The following ALK variants were observed in gnomAD, a reference collection of about 807,000 sequenced individuals.
ALK encodes ALK receptor tyrosine kinase.
ALK carries 74 observed loss-of-function variants against 163.1 expected under a neutral mutation model. The ratio of observed to expected loss-of-function variants is 0.45; its 90% CI spans 0.38 to 0.55. ALK has a LOEUF of 0.55. Ranked by LOEUF, ALK falls within the 20% of genes least tolerant of loss-of-function variation. The pLI is 0.00. For missense variants in ALK, 2,063 were observed against 2,105.3 expected (o/e 0.98, Z 0.39); for synonymous variants, 960 against 843.2 (o/e 1.14, Z -2.40).
chr2:29,497,896 T>G (rs1672071608), intron 4 of ALK, among the ~76,000 whole-genome samples: 1 of 152,226 alleles, frequency 6.6e-6, no homozygotes, highest in Admixed American at 6.5e-5. Flanking sequence ...ATTTAAATTC[T>G]TTTCTTTCTT....
intron 5 of ALK, among the ~76,000 whole-genome samples, chr2:29,365,453 G>A (rs182810297): frequency 6.6e-6 from 1 of 152,304 alleles, no homozygotes; most frequent in African/African-American, 2.4e-5. Flanking sequence ...AGGCTGGGCA[G>A]GCAGGTTGGG....
At chr2:29,280,847 G>A (rs1417354576) in intron 9 of ALK, among the ~76,000 whole-genome samples, 1 of 151,638 alleles carries the variant, frequency 6.6e-6, no homozygotes, top group Non-Finnish European at 1.5e-5. Flanking sequence ...TGGGACTGAG[G>A]GAAGGTTCTG....
intron 1 of ALK, among the ~76,000 whole-genome samples, chr2:29,864,202 C>A (rs1271331904): frequency 2.0e-5 from 3 of 152,148 alleles, no homozygotes; most frequent in African/African-American, 7.2e-5. Context: ...TCCCTGGCTA[C>A]GTACACATAC....
rs1346048598 is a variant in ALK at position 29,497,797 on chromosome 2, T to C, written c.1154+34118A>G. Among the ~76,000 whole-genome samples the C allele has an allele frequency of 3.9e-5, 6 of 152,326 alleles. No individual in the cohort carries two copies. In the South Asian group the frequency reaches 6.2e-4, roughly 16 times the overall value. On this transcript the variant is annotated intron_variant, in intron 4 of 28. Coordinates refer to ENST00000389048, the MANE Select transcript of ALK (RefSeq NM_004304.5). ...AAAAATAAGGCATGATCATTTGTTA[T>C]AACTAGTCCCTGGTCACCTTCTTCA... is the stretch of plus-strand genomic sequence containing the variant.
chr2:29,748,790 G>C (rs1680276031), intron 1 of ALK, among the ~76,000 whole-genome samples: 1 of 151,922 alleles, frequency 6.6e-6, no homozygotes, highest in Admixed American at 6.6e-5. Flanking sequence ...CTGTCACCCA[G>C]GCTGGAATGC....
At chr2:29,677,646 G>T (rs1677925852) in intron 3 of ALK, among the ~76,000 whole-genome samples, 1 of 151,982 alleles carries the variant, frequency 6.6e-6, no homozygotes, top group Non-Finnish European at 1.5e-5. Context: ...TGGTTATAGT[G>T]TATCATCCTT....
At chr2:29,596,325 C>T (rs1169384467) in intron 3 of ALK, among the ~76,000 whole-genome samples, 2 of 152,150 alleles carry the variant, frequency 1.3e-5, no homozygotes, top group Non-Finnish European at 2.9e-5. Flanking sequence ...CAGCTTAAGT[C>T]CCAATATCTT....
intron 5 of ALK, among the ~76,000 whole-genome samples, chr2:29,360,009 G>A (rs916251569): frequency 1.2e-4 from 19 of 152,206 alleles, no homozygotes; most frequent in African/African-American, 4.6e-4. Flanking sequence ...CTCAGTAGAA[G>A]TGGGCAGGCC....
intron 3 of ALK, among the ~76,000 whole-genome samples, chr2:29,644,951 G>A (rs1282503398): frequency 1.3e-5 from 2 of 152,112 alleles, no homozygotes; most frequent in Admixed American, 6.6e-5. Flanking sequence ...CTGGGTGCAA[G>A]GACTCCAGGC....
chr2:29,236,530 T>C (rs1558631960), intron 13 of ALK, among the ~76,000 whole-genome samples: 1 of 152,190 alleles, frequency 6.6e-6, no homozygotes, highest in Non-Finnish European at 1.5e-5. Flanking sequence ...AAAGATCTTT[T>C]CTGACCCATG....
chr2:29,203,102 G>C (rs556540606), intron 26 of ALK, among the ~76,000 whole-genome samples: 1 of 152,286 alleles, frequency 6.6e-6, no homozygotes. Flanking sequence ...GTTGTATTAG[G>C]CCTGAGGTGG....
intron 18 of ALK, among the ~76,000 whole-genome samples, chr2:29,225,947 T>C (rs540569262): frequency 6.6e-6 from 1 of 152,120 alleles, no homozygotes; most frequent in Non-Finnish European, 1.5e-5. Context: ...TGAGGCTAAG[T>C]TACTTCCTTG....
At chr2:29,251,042 C>T (rs555403188) in intron 12 of ALK, 63 bp downstream of exon 12, 1 of 1,562,980 alleles carries the variant, frequency 6.4e-7, no homozygotes, top group African/African-American at 1.4e-5. Flanking sequence ...CACCCATAGG[C>T]AAGACTCCAG....
chr2:29,341,800 G>C (rs552358593), intron 5 of ALK, among the ~76,000 whole-genome samples: 2 of 152,222 alleles, frequency 1.3e-5, no homozygotes, highest in Admixed American at 6.5e-5. Context: ...TTCAGGCAAA[G>C]AAACCTGGAA....
At position 29,220,838 on chromosome 2, in the gene ALK, G is replaced by A. The variant is rs769293928; in HGVS notation, c.3516-3C>T. 1.1e-5 allele frequency: 18 copies of A among 1,613,958 alleles called. No individual in the cohort carries two copies. The African/African-American group carries it at 2.3e-4, about 20-fold the overall frequency. On this transcript the variant is annotated splice_region_variant and splice_polypyrimidine_tract_variant and intron_variant, in intron 22 of 28. Coordinates refer to ENST00000389048, the MANE Select transcript of ALK (RefSeq NM_004304.5). ...CAATGTTCTGGTGGTTGAATTTGCTGCAGAGCAGAGAGGGATGTAACCAAA... is the reference window on the plus strand; with the variant it reads ...CAATGTTCTGGTGGTTGAATTTGCTACAGAGCAGAGAGGGATGTAACCAAA...
intron 1 of ALK, among the ~76,000 whole-genome samples, chr2:29,841,842 T>C (rs1207063831): frequency 6.6e-6 from 1 of 152,216 alleles, no homozygotes. Flanking sequence ...CCCTTCTTCA[T>C]GGAAAACTTA....
chr2:29,449,356 G>C (rs1158001582), intron 4 of ALK, among the ~76,000 whole-genome samples: 1 of 152,334 alleles, frequency 6.6e-6, no homozygotes, highest in East Asian at 1.9e-4. Context: ...GTGGGTAAGT[G>C]AGTGGAAGCA....
chr2:29,822,153 C>T (rs1373097253), intron 1 of ALK, among the ~76,000 whole-genome samples: 1 of 152,196 alleles, frequency 6.6e-6, no homozygotes, highest in African/African-American at 2.4e-5. Flanking sequence ...GTCCCAATGC[C>T]ACCTGATTCA....
intron 8 of ALK, among the ~76,000 whole-genome samples, chr2:29,309,372 G>A (rs1481215061): frequency 6.6e-6 from 1 of 152,200 alleles, no homozygotes; most frequent in Non-Finnish European, 1.5e-5. Flanking sequence ...CAAGTGCCAA[G>A]GAAGATCCTA....
Sources: gnomAD v4.1 joint callset for allele counts (sites outside exome capture counted in the v4.1 genomes callset) on GRCh38, gnomAD v4.1.1 for gene constraint, MANE v1.5 for transcripts, NCBI Gene and HGNC (gene_info 2026-07-23, HGNC 2026-07-21) for gene names.